STK38L: variants seen among roughly 807,000 people sequenced by gnomAD.
The protein encoded by STK38L is serine/threonine kinase 38 like.
STK38L carries 28 observed loss-of-function variants against 59.7 expected under a neutral mutation model. That is an observed-to-expected ratio of 0.47 (90% CI 0.35 to 0.64). The LOEUF is 0.64. Ranked by LOEUF, STK38L falls within the 30% of genes least tolerant of loss-of-function variation. STK38L has a pLI of 0.01. For missense variants in STK38L, 314 were observed against 555.8 expected, an observed-to-expected ratio of 0.56 and a Z score of 4.37; for synonymous variants, 162 against 176.8, an observed-to-expected ratio of 0.92 and a Z score of 0.66.
At chr12:27,300,471 AT>A in intron 2 of STK38L, 1 of 451,202 alleles carries the variant, frequency 2.2e-6, no homozygotes. Flanking sequence ...GACAGTGGAA[AT>A]TTGACAGAAG....
Position 27,307,796 on chromosome 12 carries a change from T to C in STK38L, c.187-543T>C, listed in dbSNP as rs77338090. Among the ~76,000 whole-genome samples the C allele has an allele frequency of 6.1e-3, 932 of 152,328 alleles. 6 individuals carry two copies. Among genetic ancestry groups the C allele is most frequent in the Non-Finnish European group, 9.7e-3 (661 of 68,022 alleles). ...ATATTTTAATGACTTCTTCTTGTAA[T>C]TGTTTTTGCAATTTTATATTTTCAG... On this transcript the variant is annotated intron_variant, in intron 3 of 13. Coordinates refer to ENST00000389032, the MANE Select transcript of STK38L (RefSeq NM_015000.4).
At chr12:27,285,474 T>G (rs1270988134) in intron 1 of STK38L, among the ~76,000 whole-genome samples, 1 of 152,220 alleles carries the variant, frequency 6.6e-6, no homozygotes, top group Non-Finnish European at 1.5e-5. Context: ...TCTGCCTCAC[T>G]CTCTATCTCT....
In STK38L at chr12:27,308,562, C is replaced by T. The variant is rs528416319; in HGVS notation, c.309+101C>T. ...ATTCCTGGCTGGGTGCGGTGGCTCA[C>T]GCCTGTAATCCCAATACTTTGGGAG... is the stretch of plus-strand genomic sequence containing the variant. On this transcript the variant is annotated intron_variant, in intron 4 of 13. Coordinates refer to ENST00000389032, the MANE Select transcript of STK38L (RefSeq NM_015000.4). This position sits in a 1 kb window ranked among gnomAD's most constrained non-coding sequence, Gnocchi z 4.5. 4.4e-5 allele frequency: 54 copies of T among 1,213,984 alleles called. No homozygotes were observed. Among genetic ancestry groups the T allele is most frequent in the African/African-American group, 1.9e-4 (12 of 62,094 alleles). The allele number at this position is 1,213,984 out of a possible 1,614,324, so 75.2% of individuals were successfully genotyped here. A position where few individuals can be genotyped will look rare whatever the true frequency, so the allele number is the denominator to read the frequency against.
chr12:27,256,338 T>C (rs1234015915), intron 1 of STK38L, among the ~76,000 whole-genome samples: 1 of 152,242 alleles, frequency 6.6e-6, no homozygotes, highest in African/African-American at 2.4e-5. Context: ...TTTCCAGCCT[T>C]GTCTTCCATC....
In STK38L at chr12:27,315,307, CAA is replaced by C; in HGVS notation, c.796_797del (p.Lys266GlufsTer39). On this transcript the variant is annotated frameshift_variant, in exon 9 of 14. Coordinates refer to ENST00000389032, the MANE Select transcript of STK38L (RefSeq NM_015000.4). LOFTEE classifies it high-confidence loss of function. ...AAATTAGCATTTCAGAACATGAACTCAAAGAGGAAAGCAGAAACTTGGAAGAA... is the reference window on the plus strand; with the variant it reads ...AAATTAGCATTTCAGAACATGAACTCAGAGGAAAGCAGAAACTTGGAAGAA... 5 of 1,613,674 alleles carry C rather than the reference CAA, an allele frequency of 3.1e-6. No homozygotes were observed. The highest frequency in any genetic ancestry group is 4.2e-6 in the Non-Finnish European group (5 of 1,179,834).
rs1797071313 is a variant in STK38L at position 27,256,160 on chromosome 12, C to T, written c.-12+11828C>T. On this transcript the variant is annotated intron_variant, in intron 1 of 13. Transcript: ENST00000389032. ...GGTGCCCAGTGATTGAACTAGCCAT[C>T]TTTCCCTGCTACCAGTCTTGCCTTC... is the stretch of plus-strand genomic sequence containing the variant. 2.0e-5 allele frequency among the ~76,000 whole-genome samples: 3 copies of T among 152,368 alleles called. 1 individual carries two copies. In the South Asian group the frequency reaches 6.2e-4, roughly 32 times the overall value.
At chr12:27,300,139 G>GA (rs1019891280) in intron 2 of STK38L, among the ~76,000 whole-genome samples, 19 of 150,690 alleles carry the variant, frequency 1.3e-4, no homozygotes, top group African/African-American at 2.4e-5. Context: ...CTGTGTTATT[G>GA]AAAAAAAAAG....
chr12:27,303,420 T>G (rs1390158085), intron 3 of STK38L, among the ~76,000 whole-genome samples: 1 of 152,094 alleles, frequency 6.6e-6, no homozygotes, highest in Non-Finnish European at 1.5e-5. Flanking sequence ...CCTTAACCTC[T>G]CAAGGTACCT....
intron 1 of STK38L, among the ~76,000 whole-genome samples, chr12:27,286,893 A>C (rs1354452288): frequency 6.6e-6 from 1 of 152,204 alleles, no homozygotes; most frequent in African/African-American, 2.4e-5. Context: ...AACATACTGC[A>C]TAATTTTAAA....
chr12:27,319,852 A>T (rs1172298025), intron 12 of STK38L, among the ~76,000 whole-genome samples: 1 of 152,190 alleles, frequency 6.6e-6, no homozygotes, highest in African/African-American at 2.4e-5. Context: ...ATTTGCTTAC[A>T]GTTGTTAATT....
At chr12:27,258,478 G>A (rs757198493) in intron 1 of STK38L, among the ~76,000 whole-genome samples, 2 of 151,920 alleles carry the variant, frequency 1.3e-5, no homozygotes, top group African/African-American at 2.4e-5. Flanking sequence ...ACAGGCCCCT[G>A]CCTCCATGCC....
chr12:27,296,843 A>G (rs1311339781), intron 1 of STK38L, among the ~76,000 whole-genome samples: 1 of 152,070 alleles, frequency 6.6e-6, no homozygotes, highest in Non-Finnish European at 1.5e-5. Flanking sequence ...ATTTTGCCAC[A>G]CTCCTTATCT....
At position 27,291,745 on chromosome 12, in the gene STK38L, T is replaced by G. The variant is rs150359999; in HGVS notation, c.-11-5965T>G. On this transcript the variant is annotated intron_variant, in intron 1 of 13. Transcript: ENST00000389032. ...TTATTGTAGCCTAGGGCATTATGAT[T>G]GCAACTAGTGAATTGAATTTAGGCG... Among the ~76,000 whole-genome samples the G allele has an allele frequency of 1.1e-3, 171 of 152,316 alleles. 3 individuals are homozygous for G. The East Asian group carries it at 0.022, about 19-fold the overall frequency.
intron 1 of STK38L, among the ~76,000 whole-genome samples, chr12:27,247,430 T>C (rs780086882): frequency 6.6e-6 from 1 of 152,226 alleles, no homozygotes; most frequent in Non-Finnish European, 1.5e-5. Context: ...GACATCTAAA[T>C]TTTGGGGTCA....
At position 27,312,688 on chromosome 12, in the gene STK38L, G is replaced by C; in HGVS notation, c.517+16G>C. The C allele has an allele frequency of 6.2e-7, 1 of 1,613,326 alleles. No individual in the cohort carries two copies. Among genetic ancestry groups the C allele is most frequent in the Non-Finnish European group, 8.5e-7 (1 of 1,179,742 alleles). ...CTCCCTGGAGGTAAAAGCAAACATTGTATCAATGACAGACTGATACAAGCA... is the reference window on the plus strand; with the variant it reads ...CTCCCTGGAGGTAAAAGCAAACATTCTATCAATGACAGACTGATACAAGCA... On this transcript the variant is annotated intron_variant, in intron 6 of 13. Coordinates refer to ENST00000389032, the MANE Select transcript of STK38L (RefSeq NM_015000.4).
At chr12:27,310,923 A>T (rs1366302565) in intron 5 of STK38L, among the ~76,000 whole-genome samples, 1 of 152,166 alleles carries the variant, frequency 6.6e-6, no homozygotes, top group Non-Finnish European at 1.5e-5. Context: ...TGTTTTAGAA[A>T]GCTTTTTTCT....
intron 1 of STK38L, among the ~76,000 whole-genome samples, chr12:27,291,934 G>C (rs1412728623): frequency 1.3e-5 from 2 of 152,176 alleles, no homozygotes; most frequent in East Asian, 3.8e-4. Flanking sequence ...AATGGTTGGA[G>C]ATACCACATC....
At chr12:27,254,292 GC>G (rs1943039326) in intron 1 of STK38L, among the ~76,000 whole-genome samples, 1 of 152,078 alleles carries the variant, frequency 6.6e-6, no homozygotes. Context: ...TCTAGTTCTA[GC>G]CTTGATTCTT....
intron 1 of STK38L, among the ~76,000 whole-genome samples, chr12:27,270,209 C>A (rs760394452): frequency 6.6e-6 from 1 of 151,936 alleles, no homozygotes; most frequent in Non-Finnish European, 1.5e-5. Context: ...CCAAATGAAT[C>A]TTTTTTTATT....
Sources: allele counts gnomAD v4.1 joint callset (sites outside exome capture counted in the v4.1 genomes callset), GRCh38; gene constraint gnomAD v4.1.1; non-coding constraint Gnocchi (gnomAD v3.1); transcripts MANE v1.5; gene names NCBI Gene and HGNC (gene_info 2026-07-23, HGNC 2026-07-21).